Variants in NDUFB8 observed in about 807,000 individuals in gnomAD.
NDUFB8 encodes NADH:ubiquinone oxidoreductase subunit B8.
Under a neutral mutation model 26.0 loss-of-function variants are expected in NDUFB8, and 17 were observed. The observed-to-expected ratio is 0.65, with a 90% CI of 0.45 to 0.98. The LOEUF (loss-of-function observed/expected upper bound fraction) is 0.98, where lower values mean the gene tolerates loss of function less well. Ranked by LOEUF, NDUFB8 falls within the 50% of genes least tolerant of loss-of-function variation. The pLI is 0.00. For missense variants in NDUFB8, 238 were observed against 255.0 expected (o/e 0.93, Z 0.45); for synonymous variants, 89 against 93.1 (o/e 0.96, Z 0.25).
Position 100,523,906 on chromosome 10 carries a change from A to C in NDUFB8, c.492T>G (p.Asn164Lys), listed in dbSNP as rs1409348197. 1 of 1,614,170 alleles carries C rather than the reference A, an allele frequency of 6.2e-7. No homozygotes were observed. Among genetic ancestry groups the C allele is most frequent in the Non-Finnish European group, 8.5e-7 (1 of 1,180,040 alleles). ...CACCGCCTCGTTCCAGGTACAGATTATTGTAAGGATACTGCTTTGGTCCCT... is the reference window on the plus strand; with the variant it reads ...CACCGCCTCGTTCCAGGTACAGATTCTTGTAAGGATACTGCTTTGGTCCCT... ...QPVGPKQYPY[N>K]NLYLERGGDP... The change falls in exon 5 of 5, where the codon AAT becomes AAG. Residue 164 changes from asparagine (N) to lysine (K), a missense_variant. Asn to Lys is a moderately conservative substitution (Grantham distance 94, BLOSUM62 0). Coordinates refer to ENST00000299166, the MANE Select transcript of NDUFB8 (RefSeq NM_005004.4).
chr10:100,526,580 C>A, intron 3 of NDUFB8, 26 bp from the exon 4 acceptor site: 1 of 1,612,934 alleles, frequency 6.2e-7, no homozygotes, highest in South Asian at 1.1e-5. Flanking sequence ...AAATAGCTGT[C>A]ACATACTACT....
rs144068575 is a variant in NDUFB8, at chr10:100,529,819, G to T, written c.33C>A (p.Val11=). MAVARAGVLG[V]QWLQRASRNV... Reference sequence around the variant, plus strand: ...TCCGGGATGCCCTTTGCAGCCACTGGACTCCCAAGACCCCGGCCCTGGCCA... The same window carrying T: ...TCCGGGATGCCCTTTGCAGCCACTGTACTCCCAAGACCCCGGCCCTGGCCA... The change falls in exon 1 of 5, where the codon GTC becomes GTA. Residue 11 remains valine, a synonymous_variant. Transcript: ENST00000299166. 217 of 1,613,794 alleles carry T rather than the reference G, an allele frequency of 1.3e-4. No individual in the cohort carries two copies. The Admixed American group carries it at 2.1e-3, about 16-fold the overall frequency.
intron 2 of NDUFB8, among the ~76,000 whole-genome samples, chr10:100,527,948 T>C (rs986651188): frequency 2.6e-5 from 4 of 152,148 alleles, no homozygotes; most frequent in Non-Finnish European, 5.9e-5. Flanking sequence ...GCCTCCCAAG[T>C]AGCTGGGATT....
Position 100,525,000 on chromosome 10 carries a change from C to T in NDUFB8, c.469-1071G>A, listed in dbSNP as rs1852019252. Among the ~76,000 whole-genome samples, 2 of 152,218 alleles carry T rather than the reference C, an allele frequency of 1.3e-5. No individual in the cohort carries two copies. Among genetic ancestry groups the T allele is most frequent in the Admixed American group, 1.3e-4 (2 of 15,286 alleles). ...ATGAAATAAAAGCTGCCCAACCTAA[C>T]TGACCAACTTACCTCACAATATTTT... On this transcript the variant is annotated intron_variant, in intron 4 of 4. Transcript: ENST00000299166. This position sits in a 1 kb window ranked among gnomAD's most constrained non-coding sequence, Gnocchi z 4.0.
rs907848347 is a variant in NDUFB8 at position 100,524,629 on chromosome 10, G to A, written c.469-700C>T. On this transcript the variant is annotated intron_variant, in intron 4 of 4. Coordinates refer to ENST00000299166, the MANE Select transcript of NDUFB8 (RefSeq NM_005004.4). The surrounding 1 kb of genome is among the most constrained non-coding windows in gnomAD (Gnocchi z 4.0). The stretch of plus-strand genomic sequence containing the variant: ...CCCCTGGGGCTTGGTAGGAAGGCTC[G>A]TGTCAGTGCACACAGACATACCAGC... Among the ~76,000 whole-genome samples the A allele has an allele frequency of 1.1e-4, 17 of 152,134 alleles. No homozygotes were observed. Among genetic ancestry groups the A allele is most frequent in the African/African-American group, 3.6e-4 (15 of 41,418 alleles).
At position 100,524,143 on chromosome 10, in the gene NDUFB8, T is replaced by C. The variant is rs1564657218; in HGVS notation, c.469-214A>G. The stretch of plus-strand genomic sequence containing the variant: ...TGTAAGAGAAGTGGTGCCTACACTG[T>C]GAGAGAGAAGGAGAAAGGGGGAGGG... On this transcript the variant is annotated intron_variant, in intron 4 of 4. Coordinates refer to ENST00000299166, the MANE Select transcript of NDUFB8 (RefSeq NM_005004.4). The surrounding 1 kb of genome is among the most constrained non-coding windows in gnomAD (Gnocchi z 4.0). The C allele has an allele frequency of 1.9e-6, 3 of 1,549,738 alleles. No individual in the cohort carries two copies. In the Admixed American group the frequency reaches 6.0e-5, roughly 31 times the overall value.
rs770298711 is a variant in NDUFB8, at chr10:100,524,186, G to T, written c.469-257C>A. The T allele has an allele frequency of 9.5e-6, 14 of 1,473,740 alleles. No individual in the cohort carries two copies. The highest frequency in any genetic ancestry group is 1.3e-5 in the Non-Finnish European group (14 of 1,073,912). 91.3% of individuals were successfully genotyped at this position (1,473,740 alleles called of 1,614,324 possible). A position where few individuals can be genotyped will look rare whatever the true frequency, so the allele number is the denominator to read the frequency against. Reference sequence around the variant, plus strand: ...GGGGAGGGAAGGGGGTTAGGGAAAGGAGGGGAAGGGAGGAAGACAGGGAGG... The same window carrying T: ...GGGGAGGGAAGGGGGTTAGGGAAAGTAGGGGAAGGGAGGAAGACAGGGAGG... On this transcript the variant is annotated intron_variant, in intron 4 of 4. Transcript: ENST00000299166. The surrounding 1 kb of genome is among the most constrained non-coding windows in gnomAD (Gnocchi z 4.0).
At chr10:100,526,860 G>T in intron 3 of NDUFB8, 115 bp downstream of exon 3, 1 of 992,356 alleles carries the variant, frequency 1.0e-6, no homozygotes, top group Non-Finnish European at 1.5e-6. Context: ...ACTGGACCTT[G>T]CTTCCTTGAG....
chr10:100,528,145 T>C (rs1241225165), intron 2 of NDUFB8, among the ~76,000 whole-genome samples: 2 of 152,252 alleles, frequency 1.3e-5, no homozygotes, highest in Non-Finnish European at 2.9e-5. Context: ...AGCATACTTT[T>C]ATGTACCTTT....
chr10:100,526,365 A>C (rs1423231123), intron 4 of NDUFB8, 34 bp downstream of exon 4: 5 of 1,543,078 alleles, frequency 3.2e-6, no homozygotes, highest in Non-Finnish European at 4.3e-6. Context: ...GGGCTAAGCA[A>C]GCGTGCCTAA....
At chr10:100,525,767 A>T (rs1334416822) in intron 4 of NDUFB8, among the ~76,000 whole-genome samples, 5 of 115,948 alleles carry the variant, frequency 4.3e-5, no homozygotes, top group African/African-American at 2.1e-4. Context: ...TGTGTGTGTT[A>T]GCATCTAGGT....
At chr10:100,526,216 G>C (rs1385290293) in intron 4 of NDUFB8, 183 bp downstream of exon 4, 2 of 571,222 alleles carry the variant, frequency 3.5e-6, no homozygotes, top group Non-Finnish European at 5.8e-6. Context: ...CCAAGAAGTA[G>C]GGGTGGAGAA....
chr10:100,527,010 C>A lies in NDUFB8; in HGVS notation c.277G>T (p.Asp93Tyr), dbSNP rs774420062. The A allele has an allele frequency of 1.2e-6, 2 of 1,614,020 alleles. No individual in the cohort carries two copies. The highest frequency in any genetic ancestry group is 1.1e-5 in the South Asian group (1 of 91,068). ...QHERDPWYSWDQPGLRLNWGE... is the reference protein window; with the variant it reads ...QHERDPWYSWYQPGLRLNWGE... ...CAGTTCAACCTCAGGCCCGGCTGGT[C>A]CCAGCTATACCATGGATCTCTCTCA... The change falls in exon 3 of 5, where the codon GAC becomes TAC. Residue 93 changes from aspartate to tyrosine, a missense_variant. By Grantham distance (160) the Asp-to-Tyr change is radical. Coordinates refer to ENST00000299166, the MANE Select transcript of NDUFB8 (RefSeq NM_005004.4).
intron 2 of NDUFB8, 51 bp downstream of exon 2, chr10:100,529,329 C>T (rs573132651): frequency 2.0e-6 from 3 of 1,512,026 alleles, no homozygotes; most frequent in Non-Finnish European, 8.8e-7. Flanking sequence ...CCCAACCCAG[C>T]CGGCCTTCTC....
At position 100,529,765 on chromosome 10, in the gene NDUFB8, A is replaced by G. The variant is rs1257005099; in HGVS notation, c.85+2T>C. ...ACTGAGGTCTCGCCCGTTCTCGCGGACCTGTCCGTGCGCCCAGCGGCATCA... is the reference window on the plus strand; with the variant it reads ...ACTGAGGTCTCGCCCGTTCTCGCGGGCCTGTCCGTGCGCCCAGCGGCATCA... On this transcript the variant is annotated splice_donor_variant, in intron 1 of 4. Coordinates refer to ENST00000299166, the MANE Select transcript of NDUFB8 (RefSeq NM_005004.4). LOFTEE classifies it high-confidence loss of function. 1 of 1,612,736 alleles carries G rather than the reference A, an allele frequency of 6.2e-7. No individual in the cohort carries two copies. The highest frequency in any genetic ancestry group is 8.5e-7 in the Non-Finnish European group (1 of 1,179,666).
chr10:100,524,182 A>T lies in NDUFB8; in HGVS notation c.469-253T>A, dbSNP rs1852006194. The T allele has an allele frequency of 1.3e-6, 2 of 1,507,532 alleles. No homozygotes were observed. The highest frequency in any genetic ancestry group is 2.8e-5 in the African/African-American group (2 of 72,368). 93.4% of individuals were successfully genotyped at this position (1,507,532 alleles called of 1,614,324 possible). On this transcript the variant is annotated intron_variant, in intron 4 of 4. Coordinates refer to ENST00000299166, the MANE Select transcript of NDUFB8 (RefSeq NM_005004.4). This position sits in a 1 kb window ranked among gnomAD's most constrained non-coding sequence, Gnocchi z 4.0. ...AAAGGGGGAGGGAAGGGGGTTAGGG[A>T]AAGGAGGGGAAGGGAGGAAGACAGG...
intron 1 of NDUFB8, 106 bp downstream of exon 1, chr10:100,529,661 C>T (rs1201639798): frequency 3.2e-6 from 5 of 1,539,158 alleles, no homozygotes; most frequent in African/African-American, 1.4e-5. Context: ...GCCACCTCCA[C>T]TCCCTACCCG....
chr10:100,527,822 C>T (rs1188402676), intron 2 of NDUFB8, among the ~76,000 whole-genome samples: 1 of 152,136 alleles, frequency 6.6e-6, no homozygotes, highest in African/African-American at 2.4e-5. Flanking sequence ...CATTTTTTAT[C>T]TTTTTCTCTT....
Position 100,524,305 on chromosome 10 carries a change from G to A in NDUFB8, c.469-376C>T, listed in dbSNP as rs1180926372. On this transcript the variant is annotated intron_variant, in intron 4 of 4. Transcript: ENST00000299166. The surrounding 1 kb of genome is among the most constrained non-coding windows in gnomAD (Gnocchi z 4.0). ...ATCCATCCCACTCTCTCTCGGGGTC[G>A]AGACAGACTCAATCTCCTTTAAGTC... Among the ~76,000 whole-genome samples, 1 of 152,004 alleles carries A rather than the reference G, an allele frequency of 6.6e-6. No homozygotes were observed. Among genetic ancestry groups the A allele is most frequent in the Non-Finnish European group, 1.5e-5 (1 of 67,994 alleles).
Sources: gnomAD v4.1 joint callset for allele counts (sites outside exome capture counted in the v4.1 genomes callset) on GRCh38, gnomAD v4.1.1 for gene constraint, Gnocchi (gnomAD v3.1) non-coding constraint, MANE v1.5 for transcripts, NCBI Gene and HGNC (gene_info 2026-07-23, HGNC 2026-07-21) for gene names.